The following MGA variants were observed in gnomAD, a reference collection of about 807,000 sequenced individuals.
The protein encoded by MGA is MAX dimerization protein MGA.
Under a neutral mutation model 261.1 loss-of-function variants are expected in MGA, and 40 were observed. The observed-to-expected ratio is 0.15, with a 90% CI of 0.12 to 0.20. MGA has a LOEUF of 0.20. Among genes scored for constraint, MGA ranks in the 10% least tolerant of loss-of-function variants. MGA has a pLI of 1.00. For synonymous variants in MGA, 1,302 were observed against 1,290.6 expected, an observed-to-expected ratio of 1.01 and a Z score of -0.19; for missense variants, 3,397 against 3,630.5, an observed-to-expected ratio of 0.94 and a Z score of 1.65.
chr15:41,676,681 C>G (rs1285280224), intron 2 of MGA, among the ~76,000 whole-genome samples: 2 of 152,064 alleles, frequency 1.3e-5, no homozygotes, highest in African/African-American at 2.4e-5. Context: ...TTAGCCACTA[C>G]AAATAATGCT....
intron 2 of MGA, among the ~76,000 whole-genome samples, chr15:41,680,701 A>G (rs1439301593): frequency 6.6e-6 from 1 of 152,222 alleles, no homozygotes; most frequent in Non-Finnish European, 1.5e-5. Context: ...TCTCACATGC[A>G]GAGCTTCCAT....
intron 1 of MGA, among the ~76,000 whole-genome samples, chr15:41,647,456 C>T (rs1181159215): frequency 6.6e-6 from 1 of 152,082 alleles, no homozygotes; most frequent in Admixed American, 6.6e-5. Context: ...CTGTGTAGTT[C>T]CTGGAATACA....
chr15:41,757,626 C>G (rs2063220110), intron 18 of MGA, among the ~76,000 whole-genome samples, 162 bp from the exon 19 acceptor site: 1 of 152,116 alleles, frequency 6.6e-6, no homozygotes, highest in African/African-American at 2.4e-5. Flanking sequence ...TATTTGTACA[C>G]TTTTAGAGAA....
chr15:41,706,529 C>T (rs2060123679), intron 5 of MGA, among the ~76,000 whole-genome samples: 1 of 151,474 alleles, frequency 6.6e-6, no homozygotes, highest in Admixed American at 6.6e-5. Context: ...GAAACTTACG[C>T]CTGTGACTTT....
intron 2 of MGA, among the ~76,000 whole-genome samples, chr15:41,675,860 C>T (rs999147046): frequency 1.3e-5 from 2 of 152,156 alleles, no homozygotes; most frequent in Admixed American, 6.5e-5. Flanking sequence ...AAAAATTATA[C>T]TCCTTTATGA....
intron 22 of MGA, 67 bp from the exon 23 acceptor site, chr15:41,764,819 C>T (rs2063714611): frequency 4.0e-6 from 6 of 1,509,920 alleles, no homozygotes; most frequent in South Asian, 2.3e-5. Flanking sequence ...GCTGGGATTA[C>T]AGGCATGAGC....
At chr15:41,674,538 T>TA (rs1262105295) in intron 2 of MGA, among the ~76,000 whole-genome samples, 2 of 151,562 alleles carry the variant, frequency 1.3e-5, no homozygotes, top group African/African-American at 4.9e-5. Flanking sequence ...TTTTTTTTTT[T>TA]AGACAGAGTC....
chr15:41,761,066 C>G (rs545661252), intron 20 of MGA, among the ~76,000 whole-genome samples: 1 of 152,170 alleles, frequency 6.6e-6, no homozygotes, highest in Admixed American at 6.5e-5. Flanking sequence ...CCACTGCACC[C>G]GGGCAAAAGT....
At chr15:41,652,311 C>T (rs1595574532) in intron 1 of MGA, among the ~76,000 whole-genome samples, 1 of 141,076 alleles carries the variant, frequency 7.1e-6, no homozygotes, top group African/African-American at 2.6e-5. Context: ...CCCCTCTGCC[C>T]TCCCCTCCCC....
chr15:41,637,012 A>G (rs1315609908), intron 1 of MGA, among the ~76,000 whole-genome samples: 1 of 152,142 alleles, frequency 6.6e-6, no homozygotes, highest in Non-Finnish European at 1.5e-5. Context: ...AAGGCAAGAG[A>G]ATGACAATCA....
intron 1 of MGA, 22 bp from the exon 2 acceptor site, chr15:41,668,806 T>G (rs1846357668): frequency 8.9e-6 from 9 of 1,007,518 alleles, no homozygotes; most frequent in East Asian, 2.5e-5. Context: ...TTGTTTTTGG[T>G]TTTTTTTTGC....
intron 7 of MGA, 119 bp from the exon 8 acceptor site, chr15:41,710,572 A>G (rs763443973): frequency 7.8e-6 from 8 of 1,026,094 alleles, no homozygotes; most frequent in Non-Finnish European, 1.1e-5. Flanking sequence ...CAGCTAAGGG[A>G]TAGTTTAGAA....
chr15:41,736,231 T>A lies in MGA; in HGVS notation c.3967T>A (p.Tyr1323Asn). Residue 1323 changes from tyrosine (Y) to asparagine (N), a missense_variant, in exon 13 of 24, where the codon TAT (tyrosine) becomes AAT (asparagine). By Grantham distance (143) the Tyr-to-Asn change is moderately radical. Around this residue, in one of 9 missense-constraint regions of MGA, gnomAD observed 1,410 missense variants for 1,386.4 expected, o/e 1.02. Transcript: ENST00000219905. The stretch of plus-strand genomic sequence containing the variant: ...TGAAGGAGAATCCTCTTCTACTTCT[T>A]ATATGCATCAGAGGTCACCTGGTGG... The A allele has an allele frequency of 6.2e-7, 1 of 1,611,906 alleles. No homozygotes were observed. Among genetic ancestry groups the A allele is most frequent in the South Asian group, 1.1e-5 (1 of 90,672 alleles).
intron 22 of MGA, among the ~76,000 whole-genome samples, chr15:41,763,824 A>G (rs2063639249): frequency 1.3e-5 from 2 of 152,142 alleles, no homozygotes; most frequent in Non-Finnish European, 2.9e-5. Flanking sequence ...TTTTGGAAGT[A>G]AAGTTATATT....
Position 41,766,362 on chromosome 15 carries a change from G to C in MGA, c.8280G>C (p.Glu2760Asp). 3 of 1,613,944 alleles carry C rather than the reference G, an allele frequency of 1.9e-6. No individual in the cohort carries two copies. Among genetic ancestry groups the C allele is most frequent in the Non-Finnish European group, 1.7e-6 (2 of 1,179,854 alleles). The stretch of plus-strand genomic sequence containing the variant: ...GAGGGATTCAGTATAAATGGAAAGA[G>C]AGTGAATCAAGAGGGGAGAGAGTGA... Residue 2760 changes from glutamate (E) to aspartate (D), a missense_variant, in exon 24 of 24, where the codon GAG (glutamate) becomes GAC (aspartate). Glu to Asp is a conservative substitution (Grantham distance 45, BLOSUM62 2). This residue lies in a region of MGA where 647 missense variants were observed against 642.4 expected (regional missense o/e 1.01). Coordinates refer to ENST00000219905, the MANE Select transcript of MGA (RefSeq NM_001164273.2).
At chr15:41,672,824 C>A (rs1215331620) in intron 2 of MGA, among the ~76,000 whole-genome samples, 1 of 151,736 alleles carries the variant, frequency 6.6e-6, no homozygotes, top group East Asian at 1.9e-4. Flanking sequence ...AATTTGCCAA[C>A]CTCTGATTTA....
chr15:41,721,901 A>C (rs950962211), intron 9 of MGA, among the ~76,000 whole-genome samples: 15 of 152,232 alleles, frequency 9.9e-5, no homozygotes, highest in African/African-American at 3.1e-4. Context: ...TGATTCTCAC[A>C]GTATTTAAAA....
chr15:41,759,176 C>T (rs1366491264), intron 19 of MGA, among the ~76,000 whole-genome samples: 1 of 151,992 alleles, frequency 6.6e-6, no homozygotes, highest in Non-Finnish European at 1.5e-5. Context: ...ATCAGTAGAA[C>T]AGCTAAAAGT....
At chr15:41,742,252 G>C (rs986229940) in intron 14 of MGA, among the ~76,000 whole-genome samples, 1 of 151,838 alleles carries the variant, frequency 6.6e-6, no homozygotes, top group Non-Finnish European at 1.5e-5. Flanking sequence ...GCTGGGTTTG[G>C]TGGTATGTGC....
Sources: allele counts gnomAD v4.1 joint callset (sites outside exome capture counted in the v4.1 genomes callset), GRCh38; gene constraint gnomAD v4.1.1; regional missense constraint gnomAD v4.1.1; transcripts MANE v1.5; gene names NCBI Gene and HGNC (gene_info 2026-07-23, HGNC 2026-07-21).